Variants in DMD observed in about 807,000 individuals in gnomAD.
DMD encodes mutant dystrophin.
DMD carries 63 observed loss-of-function variants against 330.1 expected under a neutral mutation model. The ratio of observed to expected loss-of-function variants is 0.19; its 90% confidence interval spans 0.16 to 0.24. DMD has a LOEUF of 0.24. DMD is among the 10% of genes least tolerant of loss of function. The probability of loss-of-function intolerance (pLI) is 1.00; values close to 1 mark genes in which losing one functional copy is unlikely to be tolerated. For synonymous variants in DMD, 1,223 were observed against 959.8 expected, an observed-to-expected ratio of 1.27 and a Z score of -5.07; for missense variants, 3,344 against 2,684.1, an observed-to-expected ratio of 1.25 and a Z score of -5.43.
At chrX:32,379,288 G>A (rs1001910467) in intron 34 of DMD, among the ~76,000 whole-genome samples, 2 of 108,004 alleles carry the variant, frequency 1.9e-5, no homozygotes, top group Non-Finnish European at 3.8e-5. Context: ...GATTCAACAA[G>A]CAGACAATTC....
chrX:33,144,774 G>A (rs185278980), intron 1 of DMD, among the ~76,000 whole-genome samples: 79 of 111,189 alleles, frequency 7.1e-4, no homozygotes, highest in Non-Finnish European at 1.3e-3. Context: ...GCACACGCTC[G>A]CTACCTTTGC....
intron 37 of DMD, among the ~76,000 whole-genome samples, chrX:32,359,575 G>GCTACC (rs1262234332): frequency 4.5e-5 from 5 of 111,139 alleles, no homozygotes; most frequent in African/African-American, 6.5e-5. Flanking sequence ...GAGATCAAAG[G>GCTACC]CTACCCCCTA....
chrX:32,973,801 A>AT (rs1468233021), intron 2 of DMD, among the ~76,000 whole-genome samples: 6 of 112,002 alleles, frequency 5.4e-5, no homozygotes, highest in Non-Finnish European at 9.4e-5. Flanking sequence ...AGTAAGTGGG[A>AT]TACCCTGCCA....
rs774997162 is a variant in DMD, at chrX:32,471,334, A to G, written c.2949+830T>C. Among the ~76,000 whole-genome samples, 74 of 112,029 alleles carry G rather than the reference A, an allele frequency of 6.6e-4. 1 individual carries two copies. The highest frequency in any genetic ancestry group is 1.3e-3 in the Non-Finnish European group (68 of 53,210). ...AAATCTCTTACAAATTATTTCTTTC[A>G]TTTCCCATATTAGTATATCTTTCCT... is the stretch of plus-strand genomic sequence containing the variant. On this transcript the variant is annotated intron_variant, in intron 22 of 78. Coordinates refer to ENST00000357033, the MANE Select transcript of DMD (RefSeq NM_004006.3).
intron 61 of DMD, among the ~76,000 whole-genome samples, chrX:31,341,883 G>GCA (rs1556527128): frequency 5.6e-5 from 3 of 53,398 alleles, no homozygotes; most frequent in Non-Finnish European, 9.8e-5. Context: ...GCGCGTGCGT[G>GCA]CGCGCGCGCA....
At chrX:31,808,722 T>C (rs2092367759) in intron 50 of DMD, among the ~76,000 whole-genome samples, 1 of 110,885 alleles carries the variant, frequency 9.0e-6, no homozygotes, top group African/African-American at 3.3e-5. Flanking sequence ...AAGTGTACAA[T>C]TCAATCCTGA....
chrX:32,749,701 GT>G (rs755197226), intron 7 of DMD, among the ~76,000 whole-genome samples: 1 of 112,336 alleles, frequency 8.9e-6, no homozygotes, highest in Non-Finnish European at 1.9e-5. Flanking sequence ...GGCTTTTAGG[GT>G]TCCCAGTTGC....
chrX:31,440,147 CTTT>C (rs56881685), intron 60 of DMD, among the ~76,000 whole-genome samples: 36,909 of 92,213 alleles, frequency 0.4, 6,328 homozygotes, highest in Non-Finnish European at 0.52. Context: ...TAAAGTATTG[CTTT>C]TTTTTTTTTT....
At chrX:31,596,299 AC>A (rs2077111540) in intron 55 of DMD, among the ~76,000 whole-genome samples, 1 of 112,318 alleles carries the variant, frequency 8.9e-6, no homozygotes, top group Admixed American at 9.5e-5. Flanking sequence ...ATGTAATTTA[AC>A]ATGTACTGGT....
chrX:31,462,013 T>A (rs1246449844), intron 59 of DMD, among the ~76,000 whole-genome samples: 2 of 111,622 alleles, frequency 1.8e-5, no homozygotes, highest in African/African-American at 6.5e-5. Flanking sequence ...ATTGTGTGCA[T>A]CTCCTCCCAA....
intron 44 of DMD, among the ~76,000 whole-genome samples, chrX:31,999,337 A>G (rs1479390732): frequency 8.9e-6 from 1 of 111,813 alleles, no homozygotes; most frequent in Non-Finnish European, 1.9e-5. Flanking sequence ...TCCTGACTGA[A>G]ATTGATAGCA....
rs1215974629 is a variant in DMD at position 31,470,392 on chromosome X, C to T, written c.8937+7714G>A. On this transcript the variant is annotated intron_variant, in intron 59 of 78. Coordinates refer to ENST00000357033, the MANE Select transcript of DMD (RefSeq NM_004006.3). ...TCCTTTTTGTTGATGTTGATGCTAG[C>T]AGTCAGGAACCCTCTGCTGCAGGTC... is the stretch of plus-strand genomic sequence containing the variant. Among the ~76,000 whole-genome samples, 21 of 111,484 alleles carry T rather than the reference C, an allele frequency of 1.9e-4. No individual in the cohort carries two copies. The Admixed American group carries it at 2.0e-3, about 11-fold the overall frequency.
At chrX:33,244,305 G>T (rs1321938605) in intron 1 of DMD, among the ~76,000 whole-genome samples, 2 of 111,639 alleles carry the variant, frequency 1.8e-5, no homozygotes, top group African/African-American at 6.5e-5. Flanking sequence ...TTATTAATAA[G>T]TGAGAAAGTC....
chrX:32,417,150 CAAGT>C (rs1163252972), intron 29 of DMD, among the ~76,000 whole-genome samples: 1 of 111,495 alleles, frequency 9.0e-6, no homozygotes, highest in Non-Finnish European at 1.9e-5. Context: ...CTGAAAATAA[CAAGT>C]AATAAGTCTC....
chrX:31,515,955 A>G (rs1278495511), intron 55 of DMD, among the ~76,000 whole-genome samples: 1 of 111,991 alleles, frequency 8.9e-6, no homozygotes, highest in African/African-American at 3.2e-5. Context: ...AATAAAAATA[A>G]AACAAAAACA....
rs145839602 is a variant in DMD, at chrX:32,058,843, A to T, written c.6439-90329T>A. Reference sequence around the variant, plus strand: ...TTACAGTAGCCAAGAGGTGTGAACAAACTAAATGTCTATTGACAGGGGAAT... The same window carrying T: ...TTACAGTAGCCAAGAGGTGTGAACATACTAAATGTCTATTGACAGGGGAAT... On this transcript the variant is annotated intron_variant, in intron 44 of 78. Coordinates refer to ENST00000357033, the MANE Select transcript of DMD (RefSeq NM_004006.3). Among the ~76,000 whole-genome samples, 583 of 111,796 alleles carry T rather than the reference A, an allele frequency of 5.2e-3. 3 individuals carry two copies. The highest frequency in any genetic ancestry group is 0.018 in the African/African-American group (553 of 30,848).
At chrX:33,235,736 T>C (rs1176485459) in intron 1 of DMD, among the ~76,000 whole-genome samples, 1 of 109,560 alleles carries the variant, frequency 9.1e-6, no homozygotes, top group Non-Finnish European at 1.9e-5. Context: ...CCAGATAGCC[T>C]GATCCAAGAG....
At chrX:31,657,836 G>A (rs2080876837) in intron 54 of DMD, among the ~76,000 whole-genome samples, 154 bp downstream of exon 54, 1 of 111,607 alleles carries the variant, frequency 9.0e-6, no homozygotes, top group African/African-American at 3.3e-5. Context: ...ATAGAAGTCT[G>A]AGCCAAGTCC....
rs1287724254 is a variant in DMD at position 32,343,294 on chromosome X, T to G, written c.5587-8A>C. 1.2e-5 allele frequency: 14 copies of G among 1,194,879 alleles called. No individual in the cohort carries two copies. The highest frequency in any genetic ancestry group is 1.6e-5 in the Non-Finnish European group (14 of 882,042). On this transcript the variant is annotated splice_region_variant and splice_polypyrimidine_tract_variant and intron_variant, in intron 39 of 78. Transcript: ENST00000357033. Reference sequence around the variant, plus strand: ...TCTTTGAGACCTCAAATCCTGTTCATGGTGCAGACATTATTAAAATATCAA... The same window carrying G: ...TCTTTGAGACCTCAAATCCTGTTCAGGGTGCAGACATTATTAAAATATCAA...
Sources: allele counts gnomAD v4.1 joint callset (sites outside exome capture counted in the v4.1 genomes callset), GRCh38; gene constraint gnomAD v4.1.1; transcripts MANE v1.5; gene names NCBI Gene and HGNC (gene_info 2026-07-23, HGNC 2026-07-21).